MSRA: variants seen among roughly 807,000 people sequenced by gnomAD.
MSRA encodes the protein methionine sulfoxide reductase A, also known as mitochondrial peptide methionine sulfoxide reductase.
MSRA carries 54 observed loss-of-function variants against 31.3 expected under a neutral mutation model. The ratio of observed to expected loss-of-function variants is 1.73; its 90% confidence interval spans 1.39 to 2.17. The LOEUF (loss-of-function observed/expected upper bound fraction) is 2.17. MSRA is among the 30% of genes most tolerant of loss of function. The pLI, the probability that MSRA is intolerant of heterozygous loss-of-function variation, is 0.00. For synonymous variants in MSRA, 169 were observed against 116.5 expected, an observed-to-expected ratio of 1.45 and a Z score of -2.90; for missense variants, 507 against 300.9, an observed-to-expected ratio of 1.69 and a Z score of -5.07.
At chr8:10,336,517 C>G (rs527514604) in intron 5 of MSRA, among the ~76,000 whole-genome samples, 318 of 151,458 alleles carry the variant, frequency 2.1e-3, no homozygotes, top group Non-Finnish European at 3.6e-3. Flanking sequence ...TTATTTTTCC[C>G]TCTTGTGTTA....
intron 5 of MSRA, among the ~76,000 whole-genome samples, chr8:10,372,091 G>T (rs1805510342): frequency 6.6e-6 from 1 of 152,146 alleles, no homozygotes; most frequent in Admixed American, 6.5e-5. Flanking sequence ...ATTGAGTCTG[G>T]GATGATAGAG....
At chr8:10,395,949 C>A (rs1040229152) in intron 5 of MSRA, among the ~76,000 whole-genome samples, 7 of 152,226 alleles carry the variant, frequency 4.6e-5, no homozygotes, top group South Asian at 4.1e-4. Flanking sequence ...TTTGCACGGC[C>A]CTACAAGTGC....
At chr8:10,131,122 T>A (rs555669698) in intron 1 of MSRA, among the ~76,000 whole-genome samples, 25 of 152,362 alleles carry the variant, frequency 1.6e-4, no homozygotes, top group African/African-American at 5.8e-4. Flanking sequence ...CTCTGTGGAA[T>A]GTTAGGGCAC....
At chr8:10,178,682 G>C (rs1221421483) in intron 1 of MSRA, among the ~76,000 whole-genome samples, 1 of 152,144 alleles carries the variant, frequency 6.6e-6, no homozygotes, top group African/African-American at 2.4e-5. Context: ...CTCAGGTTTT[G>C]TTTCTTCAGT....
rs1163909383 is a variant in MSRA, at chr8:10,165,882, AC to A, written c.143-41949del. Among the ~76,000 whole-genome samples the A allele has an allele frequency of 3.3e-5, 5 of 152,242 alleles. No homozygotes were observed. In the East Asian group the frequency reaches 9.6e-4, roughly 29 times the overall value. On this transcript the variant is annotated intron_variant, in intron 1 of 5. Coordinates refer to ENST00000317173, the MANE Select transcript of MSRA (RefSeq NM_012331.5). Reference sequence around the variant, plus strand: ...GTGTTAAATAACTCTGTGAGCAGTTACCTTATCACCTGTCTTATACTGAGGA... The same window carrying A: ...GTGTTAAATAACTCTGTGAGCAGTTACTTATCACCTGTCTTATACTGAGGA...
At chr8:10,220,369 A>G (rs1464210397) in intron 2 of MSRA, among the ~76,000 whole-genome samples, 1 of 152,162 alleles carries the variant, frequency 6.6e-6, no homozygotes, top group Non-Finnish European at 1.5e-5. Flanking sequence ...TCATGATAAT[A>G]TGGAAATAAT....
At chr8:10,152,760 C>A (rs1007760300) in intron 1 of MSRA, among the ~76,000 whole-genome samples, 15 of 152,138 alleles carry the variant, frequency 9.9e-5, no homozygotes, top group African/African-American at 3.4e-4. Flanking sequence ...GCTCCACGTG[C>A]CCGTTGACAG....
intron 1 of MSRA, among the ~76,000 whole-genome samples, chr8:10,171,791 A>T: frequency 6.6e-6 from 1 of 152,372 alleles, no homozygotes; most frequent in Non-Finnish European, 1.5e-5. Context: ...AGTATCAGTC[A>T]TTGTAATAGC....
chr8:10,384,144 C>T (rs962787726), intron 5 of MSRA, among the ~76,000 whole-genome samples: 3 of 152,174 alleles, frequency 2.0e-5, no homozygotes, highest in South Asian at 2.1e-4. Context: ...AAGAGCCTGA[C>T]GGGTGACGTA....
intron 5 of MSRA, among the ~76,000 whole-genome samples, chr8:10,376,442 A>G (rs1272895301): frequency 1.3e-5 from 2 of 152,164 alleles, no homozygotes; most frequent in African/African-American, 2.4e-5. Flanking sequence ...CTCTGCTGTG[A>G]TATTATCTGG....
At chr8:10,234,359 T>A (rs966290854) in intron 2 of MSRA, among the ~76,000 whole-genome samples, 1 of 152,068 alleles carries the variant, frequency 6.6e-6, no homozygotes, top group African/African-American at 2.4e-5. Context: ...GGTTTTGAGT[T>A]TGGGAGAAGG....
At chr8:10,390,252 G>C (rs1236411954) in intron 5 of MSRA, among the ~76,000 whole-genome samples, 1 of 152,200 alleles carries the variant, frequency 6.6e-6, no homozygotes, top group Non-Finnish European at 1.5e-5. Context: ...AGGCAGCCCT[G>C]AGAGGAGGGG....
intron 2 of MSRA, among the ~76,000 whole-genome samples, chr8:10,227,838 T>G (rs1159233024): frequency 6.6e-6 from 1 of 152,250 alleles, no homozygotes; most frequent in Non-Finnish European, 1.5e-5. Context: ...TTTCAAATTT[T>G]GTAGATTTCA....
intron 5 of MSRA, among the ~76,000 whole-genome samples, chr8:10,328,054 G>GTTTTTTTTT (rs1563356091): frequency 6.8e-5 from 4 of 58,942 alleles, no homozygotes; most frequent in Non-Finnish European, 1.1e-4. Context: ...TTTTTTTTTA[G>GTTTTTTTTT]TATCAGTGAC....
At chr8:10,268,808 C>G (rs1442101636) in intron 3 of MSRA, among the ~76,000 whole-genome samples, 1 of 152,232 alleles carries the variant, frequency 6.6e-6, no homozygotes, top group Non-Finnish European at 1.5e-5. Flanking sequence ...TCTCCACACA[C>G]CTGGAGGAGC....
intron 1 of MSRA, among the ~76,000 whole-genome samples, chr8:10,159,526 T>C (rs1484729713): frequency 6.6e-6 from 1 of 152,246 alleles, no homozygotes; most frequent in East Asian, 1.9e-4. Flanking sequence ...GAAAAATGCA[T>C]GGAAGTACAG....
intron 1 of MSRA, among the ~76,000 whole-genome samples, chr8:10,166,063 G>A (rs1805094252): frequency 6.6e-6 from 1 of 152,118 alleles, no homozygotes; most frequent in South Asian, 2.1e-4. Context: ...GACCCTCAAG[G>A]CAGCGAATGA....
intron 5 of MSRA, among the ~76,000 whole-genome samples, chr8:10,393,011 G>T (rs1198426858): frequency 2.1e-5 from 3 of 139,942 alleles, no homozygotes; most frequent in Non-Finnish European, 4.5e-5. Context: ...GCAGTGAGCC[G>T]AGATAGCGCC....
At chr8:10,414,198 T>C (rs1421659021) in intron 5 of MSRA, among the ~76,000 whole-genome samples, 1 of 151,876 alleles carries the variant, frequency 6.6e-6, no homozygotes, top group African/African-American at 2.4e-5. Context: ...TTATGTGAAC[T>C]ACCTCTCAAT....
Sources: allele counts gnomAD v4.1 joint callset (sites outside exome capture counted in the v4.1 genomes callset), GRCh38; gene constraint gnomAD v4.1.1; transcripts MANE v1.5; gene names NCBI Gene and HGNC (gene_info 2026-07-23, HGNC 2026-07-21).